SLC4A4: variants seen among roughly 807,000 people sequenced by gnomAD.
SLC4A4 encodes the protein solute carrier family 4 member 4.
In SLC4A4, 27 loss-of-function variants were observed where a neutral mutation model predicts 111.5. The ratio of observed to expected loss-of-function variants is 0.24; its 90% CI spans 0.18 to 0.33. SLC4A4 has a LOEUF of 0.33. Among genes scored for constraint, SLC4A4 ranks in the 10% least tolerant of loss-of-function variants. SLC4A4 has a pLI of 1.00. For missense variants in SLC4A4, 909 were observed against 1,315.5 expected (o/e 0.69, Z 4.78); for synonymous variants, 443 against 463.4 (o/e 0.96, Z 0.57).
intron 2 of SLC4A4, among the ~76,000 whole-genome samples, chr4:71,167,921 C>T (rs1744826202): frequency 6.6e-6 from 1 of 152,074 alleles, no homozygotes; most frequent in African/African-American, 2.4e-5. Flanking sequence ...AGTCCTCACC[C>T]CTGCCTTAGT....
chr4:71,416,839 T>C (rs1721867826), intron 7 of SLC4A4, among the ~76,000 whole-genome samples: 1 of 152,152 alleles, frequency 6.6e-6, no homozygotes, highest in African/African-American at 2.4e-5. Flanking sequence ...TGTACAGCTG[T>C]TCTCCCAAAG....
chr4:71,489,268 C>G (rs186261062), intron 15 of SLC4A4, among the ~76,000 whole-genome samples: 60 of 151,856 alleles, frequency 4.0e-4, no homozygotes, highest in African/African-American at 1.1e-3. Context: ...GATTTGAACT[C>G]AGGGTTTTCT....
chr4:71,466,077 G>A (rs1727281928), intron 12 of SLC4A4, among the ~76,000 whole-genome samples: 2 of 152,090 alleles, frequency 1.3e-5, no homozygotes, highest in African/African-American at 2.4e-5. Context: ...CCACAAAGAG[G>A]AAATTGCCAC....
chr4:71,072,161 C>A (rs1171000631), intron 1 of SLC4A4, among the ~76,000 whole-genome samples: 1 of 152,076 alleles, frequency 6.6e-6, no homozygotes, highest in Non-Finnish European at 1.5e-5. Context: ...GTCTTCCCTA[C>A]CCTGAGTCTA....
intron 2 of SLC4A4, among the ~76,000 whole-genome samples, chr4:71,146,093 A>C (rs1744157764): frequency 6.6e-6 from 1 of 152,164 alleles, no homozygotes; most frequent in South Asian, 2.1e-4. Flanking sequence ...TTAGTGCTAT[A>C]AATTTTCCTC....
At chr4:71,259,725 G>A (rs571835370) in intron 3 of SLC4A4, among the ~76,000 whole-genome samples, 2 of 152,142 alleles carry the variant, frequency 1.3e-5, no homozygotes, top group East Asian at 3.9e-4. Flanking sequence ...GATAGGCTTT[G>A]GAAACACAGC....
chr4:71,093,051 C>T (rs13129418), intron 2 of SLC4A4, among the ~76,000 whole-genome samples: 101,962 of 151,748 alleles, frequency 0.67, 34,512 homozygotes, highest in East Asian at 0.79. Flanking sequence ...ACCGAGATCA[C>T]GCCACTGCAC....
At chr4:71,403,271 C>T (rs1326901174) in intron 7 of SLC4A4, among the ~76,000 whole-genome samples, 4 of 152,042 alleles carry the variant, frequency 2.6e-5, no homozygotes, top group African/African-American at 4.8e-5. Context: ...CCTAAAACAC[C>T]CCATCACTGC....
chr4:71,423,554 C>G (rs1238191767), intron 7 of SLC4A4, among the ~76,000 whole-genome samples: 2 of 152,132 alleles, frequency 1.3e-5, no homozygotes, highest in Admixed American at 6.5e-5. Context: ...GCCAAAAGAA[C>G]AAAGCTGGAG....
chr4:71,135,535 A>C (rs1377961662), intron 2 of SLC4A4, among the ~76,000 whole-genome samples: 1 of 152,100 alleles, frequency 6.6e-6, no homozygotes, highest in Non-Finnish European at 1.5e-5. Context: ...ACCTCAGGTG[A>C]TCCATCTGCC....
At chr4:71,424,330 G>A (rs1487501999) in intron 7 of SLC4A4, among the ~76,000 whole-genome samples, 1 of 151,852 alleles carries the variant, frequency 6.6e-6, no homozygotes, top group Non-Finnish European at 1.5e-5. Flanking sequence ...TCGTTAAAAA[G>A]TCAGGAAACA....
intron 23 of SLC4A4, among the ~76,000 whole-genome samples, chr4:71,560,949 A>T (rs557912933): frequency 6.6e-6 from 1 of 151,852 alleles, no homozygotes; most frequent in African/African-American, 2.4e-5. Flanking sequence ...AGAAATACAG[A>T]TTCTCCAGCA....
At chr4:71,500,358 A>T (rs4235096) in intron 16 of SLC4A4, among the ~76,000 whole-genome samples, 130,804 of 152,238 alleles carry the variant, frequency 0.86, 57,630 homozygotes, top group Non-Finnish European at 0.97. Flanking sequence ...AAGTGTAATG[A>T]TAGGTTATTT....
chr4:71,424,987 T>TAATAATA (rs1231371823), intron 7 of SLC4A4, among the ~76,000 whole-genome samples: 1 of 151,150 alleles, frequency 6.6e-6, no homozygotes, highest in East Asian at 1.9e-4. Flanking sequence ...ACTTAAAGTA[T>TAATAATA]AATAATAATA....
chr4:71,562,500 T>C (rs1393961095), intron 23 of SLC4A4, among the ~76,000 whole-genome samples: 1 of 152,006 alleles, frequency 6.6e-6, no homozygotes, highest in East Asian at 1.9e-4. Context: ...TTTACCATTA[T>C]GTAATGCCCT....
At chr4:71,391,947 C>G (rs1719324675) in intron 6 of SLC4A4, among the ~76,000 whole-genome samples, 1 of 152,002 alleles carries the variant, frequency 6.6e-6, no homozygotes, top group African/African-American at 2.4e-5. Flanking sequence ...CTTACTTGCT[C>G]AGGATTGCAG....
rs1423242940 is a variant in SLC4A4, at chr4:71,565,531, C to G, written c.3197-1473C>G. ...TGTGATCATCTGAAGCTGATGGTCT[C>G]TAGGCAAGAGGAAATGAATTTGGTT... On this transcript the variant is annotated intron_variant, in intron 24 of 25. Coordinates refer to ENST00000264485, the MANE Select transcript of SLC4A4 (RefSeq NM_001098484.3). 3.3e-5 allele frequency among the ~76,000 whole-genome samples: 5 copies of G among 149,634 alleles called. No homozygotes were observed. The Admixed American group carries it at 3.4e-4, about 10-fold the overall frequency.
chr4:71,456,369 A>G (rs1726272315), intron 12 of SLC4A4, among the ~76,000 whole-genome samples: 1 of 152,206 alleles, frequency 6.6e-6, no homozygotes, highest in African/African-American at 2.4e-5. Flanking sequence ...ATGAATTTAA[A>G]TTTGTTGAAC....
intron 3 of SLC4A4, among the ~76,000 whole-genome samples, chr4:71,255,882 T>A (rs1560819256): frequency 6.6e-6 from 1 of 152,214 alleles, no homozygotes; most frequent in East Asian, 1.9e-4. Context: ...TAAATAGGAA[T>A]TGTGGAAAAT....
Sources: allele counts gnomAD v4.1 joint callset (sites outside exome capture counted in the v4.1 genomes callset), GRCh38; gene constraint gnomAD v4.1.1; transcripts MANE v1.5; gene names NCBI Gene and HGNC (gene_info 2026-07-23, HGNC 2026-07-21).